RBMS3: variants seen among roughly 807,000 people sequenced by gnomAD.
RBMS3 encodes RNA-binding motif, single-stranded-interacting protein 3.
RBMS3 carries 27 observed loss-of-function variants against 66.8 expected under a neutral mutation model. That is an observed-to-expected ratio of 0.40 (90% CI 0.30 to 0.56). The LOEUF is 0.56. Among genes scored for constraint, RBMS3 ranks in the 20% least tolerant of loss-of-function variants. The pLI, the probability that RBMS3 is intolerant of heterozygous loss-of-function variation, is 0.40. For synonymous variants in RBMS3, 188 were observed against 183.0 expected, an observed-to-expected ratio of 1.03 and a Z score of -0.22; for missense variants, 513 against 549.5, an observed-to-expected ratio of 0.93 and a Z score of 0.66.
chr3:29,829,035 T>TTTC (rs1283848190), intron 6 of RBMS3, among the ~76,000 whole-genome samples: 1 of 49,318 alleles, frequency 2.0e-5, no homozygotes, highest in African/African-American at 7.7e-5. Context: ...TCTTTCTTTC[T>TTTC]TTCTTTCTTT....
intron 6 of RBMS3, among the ~76,000 whole-genome samples, chr3:29,840,646 G>T (rs1006080059): frequency 1.3e-5 from 2 of 151,950 alleles, no homozygotes; most frequent in Admixed American, 1.3e-4. Flanking sequence ...GATACCTGAA[G>T]GTCCTCAGAC....
At chr3:29,787,648 G>A (rs1051493701) in intron 6 of RBMS3, among the ~76,000 whole-genome samples, 2 of 152,222 alleles carry the variant, frequency 1.3e-5, no homozygotes, top group Middle Eastern at 3.4e-3. Context: ...AGGATGCAAA[G>A]GCATAAGAAT....
chr3:29,472,767 T>C (rs182212570), intron 2 of RBMS3, among the ~76,000 whole-genome samples: 107 of 152,198 alleles, frequency 7.0e-4, no homozygotes, highest in African/African-American at 2.5e-3. Flanking sequence ...TTACAGCTCA[T>C]AAAGGCAGTG....
intron 6 of RBMS3, among the ~76,000 whole-genome samples, chr3:29,831,775 T>C (rs962094908): frequency 3.3e-5 from 5 of 152,128 alleles, no homozygotes; most frequent in Admixed American, 1.3e-4. Context: ...TTTTTCCTCT[T>C]GTTTTTCTAA....
At chr3:29,920,885 T>G (rs1230090469) in intron 10 of RBMS3, among the ~76,000 whole-genome samples, 1 of 151,208 alleles carries the variant, frequency 6.6e-6, no homozygotes, top group Non-Finnish European at 1.5e-5. Flanking sequence ...TCAGATATGA[T>G]TATAAACCAG....
intron 3 of RBMS3, among the ~76,000 whole-genome samples, chr3:29,501,795 G>A (rs1231076219): frequency 6.6e-6 from 1 of 152,110 alleles, no homozygotes; most frequent in Non-Finnish European, 1.5e-5. Context: ...AGAGGGGAAA[G>A]TCAATCCTAA....
At chr3:29,745,045 G>A (rs1019360100) in intron 5 of RBMS3, among the ~76,000 whole-genome samples, 5 of 152,030 alleles carry the variant, frequency 3.3e-5, no homozygotes, top group African/African-American at 7.3e-5. Context: ...TTTTACTTGC[G>A]ACTATACATT....
rs150927023 is a variant in RBMS3 at position 29,623,043 on chromosome 3, C to A, written c.399+35838C>A. The stretch of plus-strand genomic sequence containing the variant: ...GAGGAAGGAGAATGGCGTGAACTGG[C>A]AAGCTTGCAGTGAGCCGAGATCGTA... On this transcript the variant is annotated intron_variant, in intron 4 of 14. Transcript: ENST00000383767. Among the ~76,000 whole-genome samples the A allele has an allele frequency of 2.4e-3, 346 of 145,514 alleles. 5 individuals are homozygous for A. The East Asian group carries it at 0.064, about 27-fold the overall frequency.
chr3:29,427,768 C>A (rs540354478), intron 1 of RBMS3, among the ~76,000 whole-genome samples: 44 of 152,212 alleles, frequency 2.9e-4, no homozygotes, highest in Middle Eastern at 3.4e-3. Flanking sequence ...GCAGAACAGA[C>A]TGCTGTGTGA....
chr3:29,628,698 AC>A (rs1426018894), intron 4 of RBMS3, among the ~76,000 whole-genome samples: 10 of 152,090 alleles, frequency 6.6e-5, no homozygotes, highest in Admixed American at 6.6e-4. Context: ...AAAAGAAAAA[AC>A]ATTGTTTTTA....
chr3:29,543,862 G>C (rs1024062338), intron 3 of RBMS3, among the ~76,000 whole-genome samples: 1 of 152,032 alleles, frequency 6.6e-6, no homozygotes, highest in African/African-American at 2.4e-5. Context: ...CTATCTTCTA[G>C]AATAGTTGTA....
intron 4 of RBMS3, among the ~76,000 whole-genome samples, chr3:29,607,694 A>G (rs2048359077): frequency 6.6e-6 from 1 of 151,962 alleles, no homozygotes; most frequent in African/African-American, 2.4e-5. Flanking sequence ...TAAACATTTT[A>G]CATTTTTACT....
chr3:29,342,619 G>T (rs2036340741), intron 1 of RBMS3, among the ~76,000 whole-genome samples: 2 of 152,222 alleles, frequency 1.3e-5, no homozygotes, highest in Non-Finnish European at 2.9e-5. Flanking sequence ...ATATGCCGAG[G>T]ATATTATCAA....
intron 4 of RBMS3, among the ~76,000 whole-genome samples, chr3:29,718,680 A>C (rs933539749): frequency 1.3e-5 from 2 of 152,164 alleles, no homozygotes; most frequent in African/African-American, 4.8e-5. Flanking sequence ...TGGAAAAAGC[A>C]GGGCAGAGAG....
At chr3:29,950,274 T>G (rs573562771) in intron 12 of RBMS3, among the ~76,000 whole-genome samples, 1 of 151,816 alleles carries the variant, frequency 6.6e-6, no homozygotes. Context: ...CTTTCTGCAG[T>G]AGAATTTTTC....
chr3:29,393,028 C>A (rs1358221209), intron 1 of RBMS3, among the ~76,000 whole-genome samples: 2 of 152,162 alleles, frequency 1.3e-5, no homozygotes, highest in Non-Finnish European at 2.9e-5. Context: ...GCCACTATTT[C>A]CACAGATTGC....
intron 1 of RBMS3, among the ~76,000 whole-genome samples, chr3:29,285,787 T>A (rs2032279246): frequency 6.6e-6 from 1 of 152,146 alleles, no homozygotes; most frequent in Non-Finnish European, 1.5e-5. Flanking sequence ...TGCCATAGAA[T>A]GAGCAAACGC....
At chr3:29,768,352 TA>T (rs1174363415) in intron 6 of RBMS3, among the ~76,000 whole-genome samples, 1 of 151,858 alleles carries the variant, frequency 6.6e-6, no homozygotes, top group East Asian at 1.9e-4. Flanking sequence ...ATTGTGAAGG[TA>T]AAAAAGCTGT....
At chr3:29,693,812 C>A (rs2052147372) in intron 4 of RBMS3, among the ~76,000 whole-genome samples, 2 of 152,078 alleles carry the variant, frequency 1.3e-5, no homozygotes, top group Non-Finnish European at 2.9e-5. Context: ...CATCCTAAGA[C>A]AAAACTTTGA....
Sources: allele counts gnomAD v4.1 joint callset (sites outside exome capture counted in the v4.1 genomes callset), GRCh38; gene constraint gnomAD v4.1.1; transcripts MANE v1.5; gene names NCBI Gene and HGNC (gene_info 2026-07-23, HGNC 2026-07-21).